MTMR14: variants seen among roughly 807,000 people sequenced by gnomAD.
MTMR14 encodes the protein phosphatidylinositol-3,5-bisphosphate 3-phosphatase MTMR14.
In MTMR14, 48 loss-of-function variants were observed where a neutral mutation model predicts 86.3. That is an observed-to-expected ratio of 0.56 (90% CI 0.44 to 0.71). The LOEUF is 0.71. MTMR14 is among the 30% of genes least tolerant of loss of function. MTMR14 has a pLI of 0.00. For synonymous variants in MTMR14, 366 were observed against 326.1 expected (o/e 1.12, Z -1.32); for missense variants, 780 against 834.6 (o/e 0.93, Z 0.81).
chr3:9,649,964 CCTT>C (rs2047183451), intron 1 of MTMR14, among the ~76,000 whole-genome samples: 1 of 152,086 alleles, frequency 6.6e-6, no homozygotes, highest in African/African-American at 2.4e-5. Context: ...GCAAAGAGGT[CCTT>C]CTTGTTTGAG....
chr3:9,701,626 A>G lies in MTMR14; in HGVS notation c.1770-164A>G. ...ATGGTTTAAGGGAAAACAGGGCCAGATATTTGGGGCCTGAACCACAAGGAT... is the reference window on the plus strand; with the variant it reads ...ATGGTTTAAGGGAAAACAGGGCCAGGTATTTGGGGCCTGAACCACAAGGAT... On this transcript the variant is annotated intron_variant, in intron 18 of 18. Transcript: ENST00000296003. This position sits in a 1 kb window ranked among gnomAD's most constrained non-coding sequence, Gnocchi z 4.2. 1 of 807,112 alleles carries G rather than the reference A, an allele frequency of 1.2e-6. No individual in the cohort carries two copies. The highest frequency in any genetic ancestry group is 1.5e-5 in the South Asian group (1 of 67,248). 50.0% of individuals were successfully genotyped at this position (807,112 alleles called of 1,614,324 possible).
At chr3:9,662,414 T>G (rs781483139) in intron 3 of MTMR14, 39 bp downstream of exon 3, 13 of 1,552,168 alleles carry the variant, frequency 8.4e-6, no homozygotes, top group African/African-American at 1.4e-5. Context: ...CACGACTCTC[T>G]TCTGGGGTAG....
Position 9,672,698 on chromosome 3 carries a change from G to C in MTMR14, c.691G>C (p.Glu231Gln). 6.2e-7 allele frequency: 1 copy of C among 1,614,150 alleles called. No individual in the cohort carries two copies. Among genetic ancestry groups the C allele is most frequent in the Non-Finnish European group, 8.5e-7 (1 of 1,180,020 alleles). Residue 231 changes from glutamate (E) to glutamine (Q), a missense_variant, in exon 7 of 19, where the codon GAG (glutamate) becomes CAG (glutamine). Glu to Gln is a conservative substitution (Grantham distance 29). Transcript: ENST00000296003. ...CTTGTCTTGTAGTGTAACCTCCTCT[G>C]AGAAGGTGGACAAAGCCCAGCGCTA... Reference protein sequence around the residue: ...VKFGMNVTSSEKVDKAQRYAD... With the variant: ...VKFGMNVTSSQKVDKAQRYAD...
At chr3:9,671,295 A>G (rs1559581264) in intron 6 of MTMR14, 125 bp downstream of exon 6, 13 of 1,334,418 alleles carry the variant, frequency 9.7e-6, no homozygotes, top group African/African-American at 1.4e-5. Flanking sequence ...ACATTATCTC[A>G]CTGTATCTTC....
intron 3 of MTMR14, among the ~76,000 whole-genome samples, chr3:9,668,100 A>C (rs1033211974): frequency 6.6e-6 from 1 of 152,154 alleles, no homozygotes; most frequent in Non-Finnish European, 1.5e-5. Flanking sequence ...GGTTTGTGCC[A>C]GTTGCCCGTT....
At position 9,685,073 on chromosome 3, in the gene MTMR14, C is replaced by T. The variant is rs888306734; in HGVS notation, c.1127+109C>T. On this transcript the variant is annotated intron_variant, in intron 12 of 18. Coordinates refer to ENST00000296003, the MANE Select transcript of MTMR14 (RefSeq NM_001077525.3). The stretch of plus-strand genomic sequence containing the variant: ...TGGAGGTAAGGATAATTCCACCCCT[C>T]GAGAAGGACCGAAGCTGCTGATCAG... The T allele has an allele frequency of 1.4e-4, 202 of 1,476,740 alleles. 1 individual carries two copies. Among genetic ancestry groups the T allele is most frequent in the South Asian group, 2.0e-4 (18 of 88,326 alleles). 91.5% of individuals were successfully genotyped at this position (1,476,740 alleles called of 1,614,324 possible).
intron 1 of MTMR14, among the ~76,000 whole-genome samples, chr3:9,651,768 C>T (rs776866025): frequency 3.2e-4 from 49 of 151,958 alleles, no homozygotes; most frequent in Middle Eastern, 3.5e-3. Flanking sequence ...TGGATTCAAG[C>T]GATCCTCCTG....
intron 2 of MTMR14, 55 bp from the exon 3 acceptor site, chr3:9,662,212 C>A: frequency 7.4e-7 from 1 of 1,358,962 alleles, no homozygotes; most frequent in Non-Finnish European, 1.1e-6. Context: ...AACACATATA[C>A]ACAAAGTGCC....
Position 9,677,496 on chromosome 3 carries a change from A to G in MTMR14, c.822+109A>G, listed in dbSNP as rs1416761908. On this transcript the variant is annotated intron_variant, in intron 8 of 18. Coordinates refer to ENST00000296003, the MANE Select transcript of MTMR14 (RefSeq NM_001077525.3). The surrounding 1 kb of genome is among the most constrained non-coding windows in gnomAD (Gnocchi z 4.2). ...AAACAACAAGCAGTCTTTGGGGAAA[A>G]TAACTCCCCTTTCCTCCCTGATTGT... 4.3e-6 allele frequency: 4 copies of G among 926,088 alleles called. No individual in the cohort carries two copies. The highest frequency in any genetic ancestry group is 2.4e-5 in the East Asian group (1 of 40,818). 57.4% of individuals were successfully genotyped at this position (926,088 alleles called of 1,614,324 possible). A position where few individuals can be genotyped will look rare whatever the true frequency, so the allele number is the denominator to read the frequency against.
At chr3:9,657,957 CTG>C (rs1273960950) in intron 2 of MTMR14, among the ~76,000 whole-genome samples, 1 of 152,336 alleles carries the variant, frequency 6.6e-6, no homozygotes, top group Non-Finnish European at 1.5e-5. Context: ...TTTCCTGACT[CTG>C]TACCTGTCTG....
chr3:9,685,104 A>G (rs895552211), intron 12 of MTMR14, 107 bp from the exon 13 acceptor site: 2 of 1,537,520 alleles, frequency 1.3e-6, no homozygotes, highest in African/African-American at 1.4e-5. Context: ...ATCAGGCCCC[A>G]CCTGCCACGC....
chr3:9,681,757 T>G (rs1275860387), intron 9 of MTMR14, among the ~76,000 whole-genome samples: 2 of 152,206 alleles, frequency 1.3e-5, no homozygotes, highest in Non-Finnish European at 2.9e-5. Context: ...TGCTTCTTAC[T>G]CTGGTGTTAT....
chr3:9,649,539 C>T lies in MTMR14; in HGVS notation c.-45C>T, dbSNP rs1007944171. ...TGTCGGAGTTGGGTGCAGGCAGGTG[C>T]CATGGGCCCGCTTGAGGCACACTGA... On this transcript the variant is annotated 5_prime_UTR_variant, in exon 1 of 19. Coordinates refer to ENST00000296003, the MANE Select transcript of MTMR14 (RefSeq NM_001077525.3). 450 of 1,515,352 alleles carry T rather than the reference C, an allele frequency of 3.0e-4. No individual in the cohort carries two copies. The highest frequency in any genetic ancestry group is 3.9e-4 in the Non-Finnish European group (441 of 1,134,112). The allele number at this position is 1,515,352 out of a possible 1,614,324, so 93.9% of individuals were successfully genotyped here. A position where few individuals can be genotyped will look rare whatever the true frequency, so the allele number is the denominator to read the frequency against.
intron 3 of MTMR14, among the ~76,000 whole-genome samples, chr3:9,665,864 G>T (rs1415495073): frequency 6.6e-6 from 1 of 151,778 alleles, no homozygotes; most frequent in Non-Finnish European, 1.5e-5. Context: ...GAGTAGCTGG[G>T]ACTACAGGTG....
In MTMR14 at chr3:9,684,600, T is replaced by C. The variant is rs2075874915; in HGVS notation, c.980T>C (p.Leu327Pro). The change falls in exon 11 of 19, where the codon CTG becomes CCG. Residue 327 changes from leucine (L) to proline (P), a missense_variant. Leu to Pro is a moderately conservative substitution (Grantham distance 98). Transcript: ENST00000296003. ...TCCTGAGTAGATGACAGCGGGCTGC[T>C]GGTACACTGTATCTCAGGCTGGGAT... is the stretch of plus-strand genomic sequence containing the variant. ...LVNSDDDSGL[L>P]VHCISGWDRT... The C allele has an allele frequency of 6.2e-7, 1 of 1,614,138 alleles. No homozygotes were observed. The highest frequency in any genetic ancestry group is 8.5e-7 in the Non-Finnish European group (1 of 1,180,000).
Position 9,684,739 on chromosome 3 carries a change from T to C in MTMR14, c.1050+69T>C, listed in dbSNP as rs938635900. 9.5e-6 allele frequency: 15 copies of C among 1,584,552 alleles called. No individual in the cohort carries two copies. In the Admixed American group the frequency reaches 2.5e-4, roughly 26 times the overall value. Reference sequence around the variant, plus strand: ...GTTAGGATTGTCTCCAGACAGAGGGTGGAGCAGGGGATGCCATCGCTCAGA... The same window carrying C: ...GTTAGGATTGTCTCCAGACAGAGGGCGGAGCAGGGGATGCCATCGCTCAGA... On this transcript the variant is annotated intron_variant, in intron 11 of 18. Transcript: ENST00000296003.
At chr3:9,676,277 T>G (rs1559588455) in intron 7 of MTMR14, among the ~76,000 whole-genome samples, 3 of 152,176 alleles carry the variant, frequency 2.0e-5, no homozygotes, top group Non-Finnish European at 2.9e-5. Context: ...CCAAGTGCCT[T>G]CTCCCACCAT....
chr3:9,701,533 A>G lies in MTMR14; in HGVS notation c.1770-257A>G, dbSNP rs1301597007. On this transcript the variant is annotated intron_variant, in intron 18 of 18. Coordinates refer to ENST00000296003, the MANE Select transcript of MTMR14 (RefSeq NM_001077525.3). The surrounding 1 kb of genome is among the most constrained non-coding windows in gnomAD (Gnocchi z 4.2). ...TGAGACCTTGTCTCAAGAAAAAAAA[A>G]AAAAAGGTTAGTGTCCCAGTAAAAG... 2 of 548,142 alleles carry G rather than the reference A, an allele frequency of 3.6e-6. No homozygotes were observed. Among genetic ancestry groups the G allele is most frequent in the Non-Finnish European group, 6.6e-6 (2 of 305,342 alleles). The allele number at this position is 548,142 out of a possible 1,614,324, so 34.0% of individuals were successfully genotyped here.
In MTMR14 at chr3:9,649,592, C is replaced by G. The variant is rs1359527814; in HGVS notation, c.9C>G (p.Gly3=). Residue 3 remains glycine, a synonymous_variant, in exon 1 of 19, where the codon GGC becomes GGG. Coordinates refer to ENST00000296003, the MANE Select transcript of MTMR14 (RefSeq NM_001077525.3). ...GGACGCGGGGCTGGGCCATGGCCGGCGCTCGGGCCGCCGCCGCCGCTGCCT... is the reference window on the plus strand; with the variant it reads ...GGACGCGGGGCTGGGCCATGGCCGGGGCTCGGGCCGCCGCCGCCGCTGCCT... MA[G]ARAAAAAASA... 3.9e-6 allele frequency: 6 copies of G among 1,545,138 alleles called. No individual in the cohort carries two copies. The East Asian group carries it at 1.5e-4, about 38-fold the overall frequency.
Sources: allele counts gnomAD v4.1 joint callset (sites outside exome capture counted in the v4.1 genomes callset), GRCh38; gene constraint gnomAD v4.1.1; non-coding constraint Gnocchi (gnomAD v3.1); transcripts MANE v1.5; gene names NCBI Gene and HGNC (gene_info 2026-07-23, HGNC 2026-07-21).